Variants in LRRFIP1 observed in about 807,000 individuals in gnomAD.
The protein encoded by LRRFIP1 is leucine-rich repeat flightless-interacting protein 1.
LRRFIP1 carries 62 observed loss-of-function variants against 104.4 expected under a neutral mutation model. That is an observed-to-expected ratio of 0.59 (90% CI 0.48 to 0.73). LRRFIP1 has a LOEUF of 0.73. LRRFIP1 is among the 30% of genes least tolerant of loss of function. The probability of loss-of-function intolerance (pLI) is 0.00; values close to 1 mark genes in which losing one functional copy is unlikely to be tolerated. For missense variants in LRRFIP1, 796 were observed against 824.5 expected, an observed-to-expected ratio of 0.97 and a Z score of 0.42; for synonymous variants, 300 against 299.0, an observed-to-expected ratio of 1.00 and a Z score of -0.03.
At chr2:237,745,401 A>G (rs760817987) in intron 11 of LRRFIP1, among the ~76,000 whole-genome samples, 3 of 152,208 alleles carry the variant, frequency 2.0e-5, no homozygotes, top group Non-Finnish European at 4.4e-5. Flanking sequence ...CATGGTCTCT[A>G]CTTAAAAATA....
rs753340116 is a variant in LRRFIP1 at position 237,772,983 on chromosome 2, CTG to C, written c.1707+39_1707+40del. The C allele has an allele frequency of 3.9e-6, 6 of 1,528,808 alleles. No homozygotes were observed. In the East Asian group the frequency reaches 1.3e-4, roughly 34 times the overall value. The allele number at this position is 1,528,808 out of a possible 1,614,324, so 94.7% of individuals were successfully genotyped here. ...AACAACGGGCAGAACTGATGATTGA[CTG>C]GAGTTTTACTTGCTAGAAATAGCCC... On this transcript the variant is annotated intron_variant, in intron 22 of 23. Transcript: ENST00000308482.
chr2:237,769,861 A>G, intron 19 of LRRFIP1, 82 bp from the exon 20 acceptor site: 1 of 1,005,840 alleles, frequency 9.9e-7, no homozygotes, highest in East Asian at 2.6e-5. Context: ...ACTAACCTGA[A>G]CGATCATTCT....
At position 237,691,980 on chromosome 2, in the gene LRRFIP1, CGGAGCCGGTGGGGGT is replaced by C. The variant is rs2092803447; in HGVS notation, c.97-16561_97-16547del. Among the ~76,000 whole-genome samples, 1 of 80,938 alleles carries C rather than the reference CGGAGCCGGTGGGGGT, an allele frequency of 1.2e-5. No homozygotes were observed. Among genetic ancestry groups the C allele is most frequent in the African/African-American group, 5.2e-5 (1 of 19,154 alleles). The allele number at this position is 80,938 out of a possible 152,430, so 53.1% of individuals were successfully genotyped here. On this transcript the variant is annotated intron_variant, in intron 1 of 23. Transcript: ENST00000308482. This position sits in a 1 kb window ranked among gnomAD's most constrained non-coding sequence, Gnocchi z 5.4. ...GCCGTGGGGCGGGGCCTGGGTGGGGCGGAGCCGGTGGGGGTGGGGAAAGGGGCGTAACCGGGAGGG... is the reference window on the plus strand; with the variant it reads ...GCCGTGGGGCGGGGCCTGGGTGGGGCGGGGAAAGGGGCGTAACCGGGAGGG...
At chr2:237,680,933 A>AGC in intron 1 of LRRFIP1, among the ~76,000 whole-genome samples, 1 of 152,326 alleles carries the variant, frequency 6.6e-6, no homozygotes, top group Admixed American at 6.5e-5. Context: ...GTGAGCCATG[A>AGC]TCACGCCACT....
chr2:237,685,446 T>C (rs4663782), intron 1 of LRRFIP1, among the ~76,000 whole-genome samples: 106,689 of 152,096 alleles, frequency 0.7, 38,375 homozygotes, highest in Middle Eastern at 0.84. Flanking sequence ...TCAGGTACAG[T>C]GCACCTTGAC....
intron 1 of LRRFIP1, among the ~76,000 whole-genome samples, chr2:237,658,144 T>C (rs2087165088): frequency 6.6e-6 from 1 of 152,186 alleles, no homozygotes; most frequent in Non-Finnish European, 1.5e-5. Context: ...CCTCCATATA[T>C]TCATGCAATA....
At chr2:237,629,574 A>G (rs969761563) in intron 1 of LRRFIP1, among the ~76,000 whole-genome samples, 7 of 149,870 alleles carry the variant, frequency 4.7e-5, no homozygotes, top group Non-Finnish European at 5.9e-5. Context: ...CAGGCTCAAG[A>G]GATCCTCCTG....
chr2:237,774,016 G>A (rs1309960164), intron 22 of LRRFIP1: 5 of 211,488 alleles, frequency 2.4e-5, no homozygotes, highest in Admixed American at 1.0e-4. Context: ...AGGTCGTGGC[G>A]GAACACGTCC....
chr2:237,769,905 C>T (rs751716712), intron 19 of LRRFIP1, 38 bp from the exon 20 acceptor site: 45 of 1,522,334 alleles, frequency 3.0e-5, no homozygotes, highest in African/African-American at 2.0e-4. Flanking sequence ...GCGCGGCACG[C>T]GGATTCACCT....
Position 237,781,179 on chromosome 2 carries a change from A to C in LRRFIP1, c.*1647A>C, listed in dbSNP as rs1211303154. On this transcript the variant is annotated 3_prime_UTR_variant, in exon 24 of 24. Transcript: ENST00000308482. ...ACAACATCTGAATACAAGCATGTTT[A>C]ACTGGGAAAATGTCTATGTCATGCG... Among the ~76,000 whole-genome samples the C allele has an allele frequency of 6.6e-6, 1 of 152,260 alleles. No homozygotes were observed. Among genetic ancestry groups the C allele is most frequent in the Non-Finnish European group, 1.5e-5 (1 of 68,046 alleles).
chr2:237,651,689 G>A (rs1166249318), intron 1 of LRRFIP1, among the ~76,000 whole-genome samples: 2 of 152,168 alleles, frequency 1.3e-5, no homozygotes, highest in Admixed American at 6.5e-5. Context: ...AATGTAATAT[G>A]AGCCACATAT....
At chr2:237,706,749 T>C (rs984379947) in intron 1 of LRRFIP1, among the ~76,000 whole-genome samples, 4 of 152,142 alleles carry the variant, frequency 2.6e-5, no homozygotes, top group Non-Finnish European at 5.9e-5. Flanking sequence ...CACCTCAGCC[T>C]CCCAAGTAGC....
intron 13 of LRRFIP1, among the ~76,000 whole-genome samples, chr2:237,750,839 C>T (rs1383971908): frequency 6.6e-6 from 1 of 152,086 alleles, no homozygotes; most frequent in Non-Finnish European, 1.5e-5. Flanking sequence ...CTGATTTTTG[C>T]CTCTAGCATC....
intron 4 of LRRFIP1, among the ~76,000 whole-genome samples, chr2:237,718,609 C>A (rs2094430799): frequency 6.6e-6 from 1 of 152,180 alleles, no homozygotes; most frequent in African/African-American, 2.4e-5. Context: ...CTCTTCCTGT[C>A]CCTTTTGCTT....
At chr2:237,726,353 A>AT (rs140221198) in intron 7 of LRRFIP1, among the ~76,000 whole-genome samples, 2,021 of 151,618 alleles carry the variant, frequency 0.013, 27 homozygotes, top group African/African-American at 0.045. Context: ...TGGAAATTCA[A>AT]TTTTTTTTTC....
chr2:237,664,886 T>G (rs1032642120), intron 1 of LRRFIP1, among the ~76,000 whole-genome samples: 27 of 152,198 alleles, frequency 1.8e-4, no homozygotes, highest in African/African-American at 6.5e-4. Context: ...TCCATCCTTC[T>G]TAATCTCGTG....
intron 8 of LRRFIP1, among the ~76,000 whole-genome samples, chr2:237,729,265 A>G (rs2094901033): frequency 6.6e-6 from 1 of 152,192 alleles, no homozygotes; most frequent in African/African-American, 2.4e-5. Context: ...AAGACACGTA[A>G]AGATGGCCTT....
At chr2:237,724,092 C>G (rs959207981) in intron 7 of LRRFIP1, among the ~76,000 whole-genome samples, 1 of 149,916 alleles carries the variant, frequency 6.7e-6, no homozygotes, top group African/African-American at 2.5e-5. Flanking sequence ...TGAGAAAACT[C>G]CTAACTTCCA....
rs925683972 is a variant in LRRFIP1 at position 237,692,366 on chromosome 2, G to A, written c.97-16178G>A. The A allele has an allele frequency of 3.8e-6, 5 of 1,306,764 alleles. 1 individual carries two copies. Among genetic ancestry groups the A allele is most frequent in the African/African-American group, 3.1e-5 (2 of 64,382 alleles). The allele number at this position is 1,306,764 out of a possible 1,614,324, so 80.9% of individuals were successfully genotyped here. On this transcript the variant is annotated intron_variant, in intron 1 of 23. Transcript: ENST00000308482. ...GCGAGTGGCTCCGTCTCCGCGGACAGAGCGCGCGCCCCCTGGCCCGGCCCG... is the reference window on the plus strand; with the variant it reads ...GCGAGTGGCTCCGTCTCCGCGGACAAAGCGCGCGCCCCCTGGCCCGGCCCG...
Sources: allele counts gnomAD v4.1 joint callset (sites outside exome capture counted in the v4.1 genomes callset), GRCh38; gene constraint gnomAD v4.1.1; non-coding constraint Gnocchi (gnomAD v3.1); transcripts MANE v1.5; gene names NCBI Gene and HGNC (gene_info 2026-07-23, HGNC 2026-07-21).